The following MTSS1 variants were observed in gnomAD, a reference collection of about 807,000 sequenced individuals.
MTSS1 encodes the protein protein MTSS 1.
MTSS1 carries 18 observed loss-of-function variants against 79.0 expected under a neutral mutation model. The observed-to-expected ratio is 0.23, with a 90% confidence interval of 0.16 to 0.34. The LOEUF (loss-of-function observed/expected upper bound fraction) is 0.34. Ranked by LOEUF, MTSS1 falls within the 10% of genes least tolerant of loss-of-function variation. MTSS1 has a pLI of 1.00. For synonymous variants in MTSS1, 341 were observed against 368.6 expected (o/e 0.93, Z 0.86); for missense variants, 815 against 986.2 (o/e 0.83, Z 2.33).
intron 3 of MTSS1, among the ~76,000 whole-genome samples, chr8:124,660,093 A>G (rs1821718467): frequency 6.6e-6 from 1 of 152,148 alleles, no homozygotes; most frequent in Admixed American, 6.5e-5. Flanking sequence ...CTCTGAGTAG[A>G]TCTCAAAGCC....
chr8:124,716,492 A>G (rs1307689418), intron 1 of MTSS1, among the ~76,000 whole-genome samples: 3 of 152,102 alleles, frequency 2.0e-5, no homozygotes, highest in Non-Finnish European at 4.4e-5. Context: ...GGCTCAGGTG[A>G]CCCAGGGGGC....
intron 1 of MTSS1, among the ~76,000 whole-genome samples, chr8:124,710,598 C>T (rs542173186): frequency 8.5e-5 from 13 of 152,366 alleles, no homozygotes; most frequent in African/African-American, 2.9e-4. Context: ...CGGCCAACAG[C>T]CATTCTGGCT....
chr8:124,629,505 C>CAAAA lies in MTSS1; in HGVS notation c.209-38274_209-38271dup, dbSNP rs982816199. On this transcript the variant is annotated intron_variant, in intron 3 of 13. Transcript: ENST00000518547. Reference sequence around the variant, plus strand: ...CACTCCAGCCTGAATGACTCCGTCTCAAAAAAAAAAAAAAAAAAAAAGAAA... The same window carrying CAAAA: ...CACTCCAGCCTGAATGACTCCGTCTCAAAAAAAAAAAAAAAAAAAAAAAAAGAAA... 3.9e-4 allele frequency among the ~76,000 whole-genome samples: 24 copies of CAAAA among 62,094 alleles called. 1 individual carries two copies. Among genetic ancestry groups the CAAAA allele is most frequent in the East Asian group, 1.5e-3 (3 of 2,046 alleles). 40.7% of individuals were successfully genotyped at this position (62,094 alleles called of 152,430 possible). A position where few individuals can be genotyped will look rare whatever the true frequency, so the allele number is the denominator to read the frequency against.
At position 124,578,288 on chromosome 8, in the gene MTSS1, G is replaced by C. The variant is rs545082753; in HGVS notation, c.460+6799C>G. On this transcript the variant is annotated intron_variant, in intron 6 of 13. Transcript: ENST00000518547. ...CTGTCCCTGGAGCATCACACACACA[G>C]TGTGACACGTCTACCCTTCACCACT... Among the ~76,000 whole-genome samples the C allele has an allele frequency of 1.0e-3, 153 of 152,260 alleles. 1 individual carries two copies. The highest frequency in any genetic ancestry group is 7.4e-3 in the East Asian group (38 of 5,162).
chr8:124,669,251 A>C lies in MTSS1; in HGVS notation c.208+30275T>G, dbSNP rs115299395. 1.5e-3 allele frequency among the ~76,000 whole-genome samples: 221 copies of C among 152,352 alleles called. 2 individuals are homozygous for C. Among genetic ancestry groups the C allele is most frequent in the African/African-American group, 4.9e-3 (202 of 41,588 alleles). ...ATAATTACTCATTTTCTAATTAAACAAACAATTAGTAGAAAGCACAGCCTG... is the reference window on the plus strand; with the variant it reads ...ATAATTACTCATTTTCTAATTAAACCAACAATTAGTAGAAAGCACAGCCTG... On this transcript the variant is annotated intron_variant, in intron 3 of 13. Coordinates refer to ENST00000518547, the MANE Select transcript of MTSS1 (RefSeq NM_014751.6).
chr8:124,663,879 G>A (rs932763261), intron 3 of MTSS1, among the ~76,000 whole-genome samples: 1 of 152,156 alleles, frequency 6.6e-6, no homozygotes, highest in African/African-American at 2.4e-5. Context: ...AGAAGCCTAG[G>A]GCATCACGGA....
intron 3 of MTSS1, among the ~76,000 whole-genome samples, chr8:124,695,332 G>C (rs1828620509): frequency 8.0e-6 from 1 of 124,604 alleles, no homozygotes; most frequent in African/African-American, 3.3e-5. Flanking sequence ...CCATCAAGAG[G>C]GATAAAAAAA....
At chr8:124,557,989 A>G (rs565681019) in intron 10 of MTSS1, 114 bp from the exon 11 acceptor site, 1 of 806,148 alleles carries the variant, frequency 1.2e-6, no homozygotes, top group South Asian at 1.9e-5. Flanking sequence ...GAATATTTAT[A>G]AATAAAACAA....
At chr8:124,590,591 T>A (rs1831681989) in intron 4 of MTSS1, among the ~76,000 whole-genome samples, 1 of 152,160 alleles carries the variant, frequency 6.6e-6, no homozygotes, top group Non-Finnish European at 1.5e-5. Context: ...CAGAATCACA[T>A]AAAACTGCTG....
chr8:124,581,770 T>C (rs1250669626), intron 6 of MTSS1, among the ~76,000 whole-genome samples: 1 of 152,204 alleles, frequency 6.6e-6, no homozygotes, highest in Non-Finnish European at 1.5e-5. Context: ...TAATTTTTAA[T>C]TCACATTGAT....
intron 3 of MTSS1, among the ~76,000 whole-genome samples, chr8:124,599,482 CAAAAA>C (rs202122400): frequency 3.7e-4 from 32 of 85,744 alleles, no homozygotes; most frequent in East Asian, 1.4e-3. Context: ...GACTCCGTCT[CAAAAA>C]AAAAAAAAAA....
At chr8:124,691,876 T>C (rs1301911614) in intron 3 of MTSS1, among the ~76,000 whole-genome samples, 1 of 152,198 alleles carries the variant, frequency 6.6e-6, no homozygotes, top group Non-Finnish European at 1.5e-5. Context: ...TATGGTAATA[T>C]TCAAAGAATT....
rs1827103796 is a variant in MTSS1, at chr8:124,568,730, A to G, written c.461-194T>C. 9 of 1,484,520 alleles carry G rather than the reference A, an allele frequency of 6.1e-6. No individual in the cohort carries two copies. In the South Asian group the frequency reaches 1.0e-4, roughly 17 times the overall value. The allele number at this position is 1,484,520 out of a possible 1,614,324, so 92.0% of individuals were successfully genotyped here. On this transcript the variant is annotated intron_variant, in intron 6 of 13. Transcript: ENST00000518547. ...AGCCATTTCCAATTTTCAATGCCCA[A>G]AGGGCACATTTAGCCTGGCTTATTC...
intron 1 of MTSS1, among the ~76,000 whole-genome samples, chr8:124,713,206 C>T (rs955136994): frequency 6.6e-6 from 1 of 152,164 alleles, no homozygotes; most frequent in East Asian, 1.9e-4. Context: ...GGACACAGAA[C>T]ATCTCTACCA....
At chr8:124,656,781 CAA>C (rs59332225) in intron 3 of MTSS1, among the ~76,000 whole-genome samples, 16 of 51,666 alleles carry the variant, frequency 3.1e-4, no homozygotes, top group African/African-American at 4.0e-4. Context: ...GACTCCATCT[CAA>C]AAAAAAAAAA....
In MTSS1 at chr8:124,557,887, CAA is replaced by C. The variant is rs763107752; in HGVS notation, c.1036-14_1036-13del. 14 of 1,391,840 alleles carry C rather than the reference CAA, an allele frequency of 1.0e-5. No individual in the cohort carries two copies. In the East Asian group the frequency reaches 1.3e-4, roughly 13 times the overall value. The allele number at this position is 1,391,840 out of a possible 1,614,324, so 86.2% of individuals were successfully genotyped here. On this transcript the variant is annotated splice_polypyrimidine_tract_variant and intron_variant, in intron 10 of 13. Transcript: ENST00000518547. ...AACCCGTTAGACAACTGGAAACAAACAAAAAAAGGGGGGGGGAAGGAAAAAAA... is the reference window on the plus strand; with the variant it reads ...AACCCGTTAGACAACTGGAAACAAACAAAAAGGGGGGGGGAAGGAAAAAAA...
At chr8:124,577,438 T>C (rs923575210) in intron 6 of MTSS1, among the ~76,000 whole-genome samples, 2 of 152,232 alleles carry the variant, frequency 1.3e-5, no homozygotes, top group South Asian at 2.1e-4. Context: ...TTAGTAGAGA[T>C]AGGGTTTTGC....
At position 124,562,893 on chromosome 8, in the gene MTSS1, C is replaced by T; in HGVS notation, c.924G>A (p.Gln308=). The part of the protein sequence containing the change: ...HYRYRSSNLA[Q]QAPVRLSSVS... ...CGCTGGACAGCCTCACAGGAGCCTG[C>T]TGGGCCAGGTTGGAGCTGCGGTAGC... Residue 308 remains glutamine (Q), a synonymous_variant, in exon 10 of 14, where the codon CAG becomes CAA. Coordinates refer to ENST00000518547, the MANE Select transcript of MTSS1 (RefSeq NM_014751.6). The T allele has an allele frequency of 6.2e-7, 1 of 1,614,062 alleles. No homozygotes were observed. Among genetic ancestry groups the T allele is most frequent in the Non-Finnish European group, 8.5e-7 (1 of 1,179,976 alleles).
chr8:124,655,296 A>G (rs1483805043), intron 3 of MTSS1, among the ~76,000 whole-genome samples: 1 of 152,252 alleles, frequency 6.6e-6, no homozygotes. Context: ...AACTCTAAGA[A>G]ACAACACATT....
Sources: allele counts gnomAD v4.1 joint callset (sites outside exome capture counted in the v4.1 genomes callset), GRCh38; gene constraint gnomAD v4.1.1; transcripts MANE v1.5; gene names NCBI Gene and HGNC (gene_info 2026-07-23, HGNC 2026-07-21).